Variants in HPSE2 observed in about 807,000 individuals in gnomAD.
HPSE2 encodes inactive heparanase-2.
Under a neutral mutation model 60.5 loss-of-function variants are expected in HPSE2, and 38 were observed. The observed-to-expected ratio is 0.63, with a 90% confidence interval of 0.48 to 0.82. The LOEUF (loss-of-function observed/expected upper bound fraction) is 0.82. Among genes scored for constraint, HPSE2 ranks in the 40% least tolerant of loss-of-function variants. HPSE2 has a pLI of 0.00. For synonymous variants in HPSE2, 295 were observed against 293.2 expected, an observed-to-expected ratio of 1.01 and a Z score of -0.06; for missense variants, 713 against 740.4, an observed-to-expected ratio of 0.96 and a Z score of 0.43.
chr10:99,095,821 A>G (rs932792072), intron 3 of HPSE2, among the ~76,000 whole-genome samples: 1 of 152,182 alleles, frequency 6.6e-6, no homozygotes, highest in Non-Finnish European at 1.5e-5. Context: ...AATTATGACT[A>G]ATGCTGTTAT....
intron 3 of HPSE2, among the ~76,000 whole-genome samples, chr10:99,135,981 T>C (rs888504340): frequency 3.3e-5 from 5 of 151,580 alleles, no homozygotes; most frequent in Middle Eastern, 3.2e-3. Context: ...ACAAAATACA[T>C]AGACCACTAG....
chr10:99,232,303 C>T (rs1209534813), intron 2 of HPSE2, 45 bp downstream of exon 2: 1 of 1,547,106 alleles, frequency 6.5e-7, no homozygotes, highest in East Asian at 2.4e-5. Flanking sequence ...ACAGCGGGTG[C>T]TTGCTTCCGC....
rs1443136842 is a variant in HPSE2, at chr10:98,938,910, AAG to A, written c.611-194856_611-194855del. 2.1e-5 allele frequency among the ~76,000 whole-genome samples: 3 copies of A among 144,444 alleles called. 1 individual carries two copies. The highest frequency in any genetic ancestry group is 4.5e-5 in the Non-Finnish European group (3 of 67,304). 94.8% of individuals were successfully genotyped at this position (144,444 alleles called of 152,430 possible). ...TCTTGGCAGAAACTCTACAAGCCAG[AAG>A]AGAGTGGGAGCCAATATTCAACATT... On this transcript the variant is annotated intron_variant, in intron 3 of 11. Coordinates refer to ENST00000370552, the MANE Select transcript of HPSE2 (RefSeq NM_021828.5).
chr10:98,826,631 A>G (rs1158134264), intron 3 of HPSE2, among the ~76,000 whole-genome samples: 2 of 152,176 alleles, frequency 1.3e-5, no homozygotes, highest in Non-Finnish European at 2.9e-5. Flanking sequence ...TACTGTTGGT[A>G]CCTAGCCATC....
intron 3 of HPSE2, among the ~76,000 whole-genome samples, chr10:99,132,225 GAGAGA>G (rs1845459077): frequency 1.2e-4 from 2 of 16,998 alleles, no homozygotes; most frequent in African/African-American, 1.8e-4. Context: ...GAGAGAGAGA[GAGAGA>G]GAGAGAGAGA....
intron 3 of HPSE2, among the ~76,000 whole-genome samples, chr10:98,921,437 G>C (rs1954279773): frequency 6.6e-6 from 1 of 152,142 alleles, no homozygotes. Context: ...AGCAGCAAAG[G>C]GAAAGCTGGC....
At chr10:98,886,083 G>A (rs1447340818) in intron 3 of HPSE2, among the ~76,000 whole-genome samples, 6 of 151,712 alleles carry the variant, frequency 4.0e-5, no homozygotes, top group Non-Finnish European at 8.8e-5. Flanking sequence ...TTTCTTTTGA[G>A]GTATCAATAT....
chr10:98,723,572 T>C (rs146371817), intron 4 of HPSE2, among the ~76,000 whole-genome samples: 1,814 of 152,250 alleles, frequency 0.012, 24 homozygotes, highest in African/African-American at 0.041. Flanking sequence ...TGGTAGAATT[T>C]GGCTGTGAAT....
At chr10:99,159,772 A>C (rs1846746905) in intron 2 of HPSE2, among the ~76,000 whole-genome samples, 1 of 152,188 alleles carries the variant, frequency 6.6e-6, no homozygotes, top group Admixed American at 6.6e-5. Flanking sequence ...TAGTTATGAC[A>C]CCAAAAGTAT....
At chr10:98,504,209 T>C (rs1250096500) in intron 9 of HPSE2, among the ~76,000 whole-genome samples, 6 of 152,210 alleles carry the variant, frequency 3.9e-5, no homozygotes, top group Non-Finnish European at 8.8e-5. Flanking sequence ...TGTTTTTCAC[T>C]CTGCAAGAGG....
chr10:99,190,960 C>A (rs977096795), intron 2 of HPSE2, among the ~76,000 whole-genome samples: 1 of 152,088 alleles, frequency 6.6e-6, no homozygotes, highest in Non-Finnish European at 1.5e-5. Flanking sequence ...GTTCTTGGGC[C>A]TTGAGTGAAT....
chr10:98,731,605 TG>T (rs1269853284), intron 4 of HPSE2, among the ~76,000 whole-genome samples: 1 of 152,078 alleles, frequency 6.6e-6, no homozygotes, highest in African/African-American at 2.4e-5. Context: ...CCCAACAAAC[TG>T]AATAGAAGGG....
chr10:98,751,702 A>T (rs1949762186), intron 3 of HPSE2, among the ~76,000 whole-genome samples: 1 of 152,222 alleles, frequency 6.6e-6, no homozygotes, highest in Non-Finnish European at 1.5e-5. Flanking sequence ...GACTGGACAT[A>T]CTTGAACAGA....
At chr10:98,907,313 T>C (rs368357727) in intron 3 of HPSE2, among the ~76,000 whole-genome samples, 3 of 152,052 alleles carry the variant, frequency 2.0e-5, no homozygotes, top group African/African-American at 7.2e-5. Context: ...AATCAATATA[T>C]GAAATCTTAA....
the HPSE2 span, among the ~76,000 whole-genome samples, chr10:99,249,392 C>T: frequency 6.6e-6 from 1 of 152,214 alleles, no homozygotes; most frequent in Non-Finnish European, 1.5e-5. Flanking sequence ...GACTGCCCTT[C>T]TGTGTTTTGG....
chr10:98,801,678 G>T (rs888307941), intron 3 of HPSE2, among the ~76,000 whole-genome samples: 1 of 151,726 alleles, frequency 6.6e-6, no homozygotes, highest in African/African-American at 2.4e-5. Context: ...AAACACTGAT[G>T]AAAAAAATGG....
intron 3 of HPSE2, among the ~76,000 whole-genome samples, chr10:98,957,036 T>C (rs1166841821): frequency 1.3e-5 from 2 of 152,150 alleles, no homozygotes; most frequent in East Asian, 3.9e-4. Flanking sequence ...TGATGCCATA[T>C]TGAAGTGAAA....
At chr10:98,480,519 C>A (rs982606135) in intron 11 of HPSE2, among the ~76,000 whole-genome samples, 1 of 152,030 alleles carries the variant, frequency 6.6e-6, no homozygotes, top group Non-Finnish European at 1.5e-5. Context: ...TATAGAAAGA[C>A]AGGGGTTAAG....
At chr10:98,728,271 A>G (rs1229239172) in intron 4 of HPSE2, among the ~76,000 whole-genome samples, 1 of 152,176 alleles carries the variant, frequency 6.6e-6, no homozygotes, top group Non-Finnish European at 1.5e-5. Flanking sequence ...TAGAATAATA[A>G]TAGCACAAAG....
Sources: gnomAD v4.1 joint callset for allele counts (sites outside exome capture counted in the v4.1 genomes callset) on GRCh38, gnomAD v4.1.1 for gene constraint, MANE v1.5 for transcripts, NCBI Gene and HGNC (gene_info 2026-07-23, HGNC 2026-07-21) for gene names.